Variants in C2CD3 observed in about 807,000 individuals in gnomAD.
The protein encoded by C2CD3 is C2 domain containing 3 centriole elongation regulator.
A neutral mutation model predicts 234.0 loss-of-function variants in C2CD3; 148 were observed. That is an observed-to-expected ratio of 0.63 (90% CI 0.55 to 0.72). C2CD3 has a LOEUF of 0.72. Ranked by LOEUF, C2CD3 falls within the 30% of genes least tolerant of loss-of-function variation. The probability of loss-of-function intolerance (pLI) is 0.00; values close to 1 mark genes in which losing one functional copy is unlikely to be tolerated. For synonymous variants in C2CD3, 1,000 were observed against 1,035.4 expected, an observed-to-expected ratio of 0.97 and a Z score of 0.66; for missense variants, 2,577 against 2,811.5, an observed-to-expected ratio of 0.92 and a Z score of 1.89.
At position 74,103,519 on chromosome 11, in the gene C2CD3, T is replaced by C. The variant is rs1029294517; in HGVS notation, c.2192A>G (p.Lys731Arg). The C allele has an allele frequency of 3.7e-6, 6 of 1,614,062 alleles. No homozygotes were observed. Among genetic ancestry groups the C allele is most frequent in the Non-Finnish European group, 5.1e-6 (6 of 1,180,020 alleles). Residue 731 changes from lysine (K) to arginine (R), a missense_variant, in exon 14 of 33, where the codon AAG becomes AGG. Lys to Arg is a conservative substitution (Grantham distance 26). Coordinates refer to ENST00000334126, the MANE Select transcript of C2CD3 (RefSeq NM_001286577.2). ...TPLCAPTSPN[K>R]ALPELNQDMT... ...ATCTTGGTTAAGTTCTGGTAGTGCC[T>C]TATTTGGACTTGTAGGAGCACAAAG...
intron 19 of C2CD3, 33 bp downstream of exon 19, chr11:74,092,383 T>A (rs1182408771): frequency 6.3e-7 from 1 of 1,592,608 alleles, no homozygotes; most frequent in South Asian, 1.1e-5. Flanking sequence ...TATACTGATT[T>A]TGAAAGAAAA....
intron 3 of C2CD3, among the ~76,000 whole-genome samples, chr11:74,144,024 A>G (rs1037874808): frequency 7.9e-5 from 12 of 152,226 alleles, no homozygotes; most frequent in Non-Finnish European, 1.6e-4. Flanking sequence ...AGTTGTTCAC[A>G]GTATTTCCTT....
At chr11:74,166,840 CA>C (rs2135576527) in intron 2 of C2CD3, among the ~76,000 whole-genome samples, 1 of 152,274 alleles carries the variant, frequency 6.6e-6, no homozygotes, top group Admixed American at 6.5e-5. Context: ...ACTTTACAAA[CA>C]TTTTTTTCAT....
chr11:74,140,810 A>C (rs1473509286), intron 3 of C2CD3, among the ~76,000 whole-genome samples: 1 of 152,188 alleles, frequency 6.6e-6, no homozygotes. Context: ...TCTATGCTGG[A>C]GATGAAGAGG....
In C2CD3 at chr11:74,170,900, G is replaced by C; in HGVS notation, c.-108C>G. ...CCTGCGTTCCCCGGCAACCGGCGCC[G>C]CTGGGCAGCCTGGGAGGCAGGAAAA... On this transcript the variant is annotated 5_prime_UTR_variant, in exon 1 of 33. Transcript: ENST00000334126. 6.3e-7 allele frequency: 1 copy of C among 1,580,598 alleles called. No homozygotes were observed. Among genetic ancestry groups the C allele is most frequent in the East Asian group, 2.3e-5 (1 of 44,096 alleles).
intron 12 of C2CD3, among the ~76,000 whole-genome samples, chr11:74,107,291 C>A (rs978028026): frequency 6.6e-6 from 1 of 150,770 alleles, no homozygotes; most frequent in Non-Finnish European, 1.5e-5. Flanking sequence ...TGCCATTGCA[C>A]TCCAGCCTGG....
intron 22 of C2CD3, among the ~76,000 whole-genome samples, chr11:74,083,839 T>C (rs568082858): frequency 7.2e-5 from 11 of 152,280 alleles, no homozygotes; most frequent in African/African-American, 2.4e-4. Flanking sequence ...TTTTACACTG[T>C]TGGTGGGAGT....
chr11:74,025,368 C>A (rs1001713619), intron 32 of C2CD3, among the ~76,000 whole-genome samples: 1 of 152,106 alleles, frequency 6.6e-6, no homozygotes, highest in South Asian at 2.1e-4. Context: ...GAGGCTGAGG[C>A]AGGCGGATCA....
chr11:74,107,464 T>C (rs1404326831), intron 12 of C2CD3, among the ~76,000 whole-genome samples: 1 of 152,250 alleles, frequency 6.6e-6, no homozygotes, highest in Non-Finnish European at 1.5e-5. Context: ...AAGCTAATTA[T>C]ATAGCACATC....
At chr11:74,124,282 T>C (rs995734407) in intron 7 of C2CD3, among the ~76,000 whole-genome samples, 4 of 152,200 alleles carry the variant, frequency 2.6e-5, no homozygotes, top group Non-Finnish European at 5.9e-5. Flanking sequence ...CCTTAATTTC[T>C]CAAGAAAATA....
chr11:74,144,084 A>T (rs996269180), intron 3 of C2CD3, among the ~76,000 whole-genome samples: 1 of 152,228 alleles, frequency 6.6e-6, no homozygotes. Context: ...TAGAATCAAA[A>T]GGAAAGTGAA....
intron 31 of C2CD3, 130 bp downstream of exon 31, chr11:74,033,221 G>T (rs1371837316): frequency 5.9e-6 from 4 of 683,304 alleles, no homozygotes; most frequent in South Asian, 1.9e-5. Context: ...CATGCAGGTG[G>T]GGTCTTCTGA....
rs10717136 is a variant in C2CD3, at chr11:74,094,199, GTT to G, written c.3161-202_3161-201del. ...CCATACAAGTGCCAACACTTGTTAG[GTT>G]TTTTTTTTTTTTTTTTAATTATAGC... On this transcript the variant is annotated intron_variant, in intron 17 of 32. Transcript: ENST00000334126. Among the ~76,000 whole-genome samples the G allele has an allele frequency of 6.7e-4, 91 of 136,772 alleles. 1 individual carries two copies. Among genetic ancestry groups the G allele is most frequent in the Middle Eastern group, 3.8e-3 (1 of 264 alleles). 89.7% of individuals were successfully genotyped at this position (136,772 alleles called of 152,430 possible). A position where few individuals can be genotyped will look rare whatever the true frequency, so the allele number is the denominator to read the frequency against.
chr11:74,111,959 CACACACACACAT>C lies in C2CD3; in HGVS notation c.1843+1809_1843+1820del, dbSNP rs139058575. ...ACACACACACACACACACACACACACACACACACACATATATATATACACACACACATTATCT... is the reference window on the plus strand; with the variant it reads ...ACACACACACACACACACACACACACATATATATACACACACACATTATCT... On this transcript the variant is annotated intron_variant, in intron 11 of 32. Transcript: ENST00000334126. 0.016 allele frequency among the ~76,000 whole-genome samples: 2,177 copies of C among 134,762 alleles called. 90 individuals carry two copies. The East Asian group carries it at 0.18, about 11-fold the overall frequency. The allele number at this position is 134,762 out of a possible 152,430, so 88.4% of individuals were successfully genotyped here. A position where few individuals can be genotyped will look rare whatever the true frequency, so the allele number is the denominator to read the frequency against.
At position 74,048,261 on chromosome 11, in the gene C2CD3, G is replaced by A. The variant is rs1055520785; in HGVS notation, c.5439C>T (p.Thr1813=). ...AAFSSHMARQ[T]LDQLAHASSK... Reference sequence around the variant, plus strand: ...AGGAGGCATGAGCAAGTTGGTCTAGGGTCTGCCTTGCCATGTGGCTGGAGA... The same window carrying A: ...AGGAGGCATGAGCAAGTTGGTCTAGAGTCTGCCTTGCCATGTGGCTGGAGA... The change falls in exon 28 of 33, where the codon ACC becomes ACT. Residue 1813 remains threonine, a synonymous_variant. Transcript: ENST00000334126. The A allele has an allele frequency of 1.9e-6, 3 of 1,613,702 alleles. No individual in the cohort carries two copies. In the Admixed American group the frequency reaches 5.0e-5, roughly 27 times the overall value.
chr11:74,015,935 G>C (rs1490213042), intron 32 of C2CD3, among the ~76,000 whole-genome samples: 1 of 151,998 alleles, frequency 6.6e-6, no homozygotes, highest in Non-Finnish European at 1.5e-5. Context: ...AAATTAGCAG[G>C]GTGTAGTGGT....
chr11:74,035,307 T>C (rs1311231676), intron 30 of C2CD3, among the ~76,000 whole-genome samples: 1 of 152,230 alleles, frequency 6.6e-6, no homozygotes, highest in African/African-American at 2.4e-5. Context: ...CCTAATCCTT[T>C]GGCCTGAACA....
chr11:74,114,669 G>C lies in C2CD3; in HGVS notation c.1521-76C>G. ...GAAACAATCTAGTTTGCACAGGCAA[G>C]ATGAGGAAAAAGGGAGGGCAGCAAG... On this transcript the variant is annotated intron_variant, in intron 9 of 32. Coordinates refer to ENST00000334126, the MANE Select transcript of C2CD3 (RefSeq NM_001286577.2). 3.1e-6 allele frequency: 3 copies of C among 960,924 alleles called. No individual in the cohort carries two copies. The Admixed American group carries it at 5.7e-5, about 18-fold the overall frequency. The allele number at this position is 960,924 out of a possible 1,614,324, so 59.5% of individuals were successfully genotyped here. A position where few individuals can be genotyped will look rare whatever the true frequency, so the allele number is the denominator to read the frequency against.
intron 7 of C2CD3, chr11:74,129,190 C>T (rs980168557): frequency 1.7e-5 from 3 of 173,012 alleles, no homozygotes; most frequent in Non-Finnish European, 3.6e-5. Flanking sequence ...CCCTCACCTC[C>T]CTCCGGGACG....
Sources: gnomAD v4.1 joint callset for allele counts (sites outside exome capture counted in the v4.1 genomes callset) on GRCh38, gnomAD v4.1.1 for gene constraint, MANE v1.5 for transcripts, NCBI Gene and HGNC (gene_info 2026-07-23, HGNC 2026-07-21) for gene names.